Variants in RBM43 observed in about 807,000 individuals in gnomAD.
RBM43 encodes the protein RNA-binding protein 43.
RBM43 carries 12 observed loss-of-function variants against 12.4 expected under a neutral mutation model. That is an observed-to-expected ratio of 0.97 (90% CI 0.62 to 1.57). The LOEUF is 1.57. Among genes scored for constraint, RBM43 ranks in the 40% most tolerant of loss-of-function variants. The pLI is 0.00. For synonymous variants in RBM43, 138 were observed against 145.7 expected (o/e 0.95, Z 0.38); for missense variants, 348 against 400.1 (o/e 0.87, Z 1.11).
chr2:151,251,571 G>A lies in RBM43; in HGVS notation c.409C>T (p.Pro137Ser). 1 of 1,614,058 alleles carries A rather than the reference G, an allele frequency of 6.2e-7. No individual in the cohort carries two copies. The highest frequency in any genetic ancestry group is 1.1e-5 in the South Asian group (1 of 91,062). ...TTCAAAGGACTGAAGCTTAAACTCG[G>A]GATTTTTTTTTTCAGGTCTTTTACC... Reference protein sequence around the residue: ...TLVKDLKKKIPSLSFSPLKPN... With the variant: ...TLVKDLKKKISSLSFSPLKPN... The change falls in exon 4 of 4, where the codon CCG becomes TCG. Residue 137 changes from proline (P) to serine (S), a missense_variant. Physicochemically the swap from Pro to Ser is moderately conservative, Grantham distance 74. Transcript: ENST00000331426.
Position 151,251,442 on chromosome 2 carries a change from A to G in RBM43, c.538T>C (p.Phe180Leu). 1 of 1,614,126 alleles carries G rather than the reference A, an allele frequency of 6.2e-7. No homozygotes were observed. ...TTCCACTTTCTCTCCTCACTGGTAA[A>G]ATTTCTGTCTTTTTCTAAGAGAGAA... ...ACSLLEKDRN[F>L]TSEERKWNRQ... The change falls in exon 4 of 4, where the codon TTT (phenylalanine) becomes CTT (leucine). Residue 180 changes from phenylalanine (F) to leucine (L), a missense_variant. Transcript: ENST00000331426.
chr2:151,254,344 C>T (rs1573733590), intron 2 of RBM43, among the ~76,000 whole-genome samples: 1 of 151,964 alleles, frequency 6.6e-6, no homozygotes, highest in East Asian at 1.9e-4. Context: ...GCCAATTCAA[C>T]ATATAAAATA....
intron 1 of RBM43, chr2:151,260,896 G>C (rs541162486): frequency 3.7e-6 from 1 of 269,768 alleles, no homozygotes; most frequent in Admixed American, 4.9e-5. Context: ...AACAGACTTG[G>C]CCATCTTATC....
At chr2:151,255,403 G>A (rs1251512192) in intron 2 of RBM43, 130 bp downstream of exon 2, 2 of 603,896 alleles carry the variant, frequency 3.3e-6, no homozygotes, top group Non-Finnish European at 5.6e-6. Context: ...GGGCAACAGA[G>A]TGAGACTGTG....
rs2105186935 is a variant in RBM43 at position 151,248,527 on chromosome 2, C to A, written c.*2379G>T. The A allele has an allele frequency of 6.6e-6, 1 of 152,090 alleles. No individual in the cohort carries two copies. The highest frequency in any genetic ancestry group is 1.9e-4 in the East Asian group (1 of 5,174). The allele number at this position is 152,090 out of a possible 1,614,324, so 9.4% of individuals were successfully genotyped here. ...TTTGAGACAGTATTTTTTAACAAGG[C>A]AATATTTGTATCCTGAATGTGTTTT... On this transcript the variant is annotated 3_prime_UTR_variant, in exon 4 of 4. Transcript: ENST00000331426.
intron 1 of RBM43, chr2:151,261,036 C>A: frequency 2.0e-6 from 1 of 509,766 alleles, no homozygotes; most frequent in South Asian, 2.5e-5. Flanking sequence ...AATGACGACG[C>A]CTCTACCGCC....
chr2:151,261,193 G>T (rs1164198842), intron 1 of RBM43: 1 of 1,485,800 alleles, frequency 6.7e-7, no homozygotes, highest in Non-Finnish European at 9.0e-7. Context: ...GCTAAGACAA[G>T]AATTCGCACC....
At chr2:151,256,015 G>A (rs1369926319) in intron 1 of RBM43, among the ~76,000 whole-genome samples, 1 of 152,168 alleles carries the variant, frequency 6.6e-6, no homozygotes, top group Non-Finnish European at 1.5e-5. Flanking sequence ...AGGCTGGAGT[G>A]CAGTGGTATG....
At chr2:151,261,381 CT>C (rs768842701) in intron 1 of RBM43, 18 of 1,550,650 alleles carry the variant, frequency 1.2e-5, no homozygotes, top group Non-Finnish European at 1.2e-5. Flanking sequence ...GAAGCAGCTC[CT>C]CGACGAACGG....
chr2:151,256,195 C>A (rs1246455711), intron 1 of RBM43, among the ~76,000 whole-genome samples: 1 of 152,086 alleles, frequency 6.6e-6, no homozygotes, highest in Non-Finnish European at 1.5e-5. Flanking sequence ...CTCCTGACCT[C>A]AAGAGATCTG....
At position 151,261,286 on chromosome 2, in the gene RBM43, G is replaced by A. The variant is rs1211416706; in HGVS notation, c.3+439C>T. 17 of 1,550,456 alleles carry A rather than the reference G, an allele frequency of 1.1e-5. 1 individual carries two copies. Among genetic ancestry groups the A allele is most frequent in the Non-Finnish European group, 1.3e-5 (15 of 1,146,976 alleles). On this transcript the variant is annotated intron_variant, in intron 1 of 3. Transcript: ENST00000331426. ...TCTTATTAGCCCTTTTCAAAAGGCA[G>A]CTGTGACCTCCATTTCTGGCTAATC...
intron 1 of RBM43, among the ~76,000 whole-genome samples, chr2:151,257,635 GT>G (rs1209138557): frequency 6.6e-6 from 1 of 152,158 alleles, no homozygotes; most frequent in African/African-American, 2.4e-5. Context: ...GGAGGTTGGG[GT>G]GAGCCGAGAT....
At chr2:151,259,283 G>C (rs1037768543) in intron 1 of RBM43, among the ~76,000 whole-genome samples, 5 of 152,134 alleles carry the variant, frequency 3.3e-5, no homozygotes, top group South Asian at 4.1e-4. Context: ...CACACTATTG[G>C]GACCTGCTAT....
intron 1 of RBM43, chr2:151,261,145 G>A (rs145510617): frequency 0.013 from 17,429 of 1,295,040 alleles, 145 homozygotes; most frequent in Non-Finnish European, 0.015. Flanking sequence ...GCGATTGATG[G>A]AAACAAAACA....
At chr2:151,260,624 A>G (rs1047687604) in intron 1 of RBM43, among the ~76,000 whole-genome samples, 2 of 152,234 alleles carry the variant, frequency 1.3e-5, no homozygotes, top group African/African-American at 2.4e-5. Flanking sequence ...AGTTTCTATG[A>G]ATCATCTAAT....
At chr2:151,253,096 CA>C (rs1682926277) in intron 2 of RBM43, among the ~76,000 whole-genome samples, 1 of 152,048 alleles carries the variant, frequency 6.6e-6, no homozygotes, top group African/African-American at 2.4e-5. Context: ...GAATAAAAAA[CA>C]AAAATGTAAA....
chr2:151,256,837 C>A (rs151240040), intron 1 of RBM43, among the ~76,000 whole-genome samples: 73 of 152,112 alleles, frequency 4.8e-4, no homozygotes, highest in East Asian at 4.2e-3. Flanking sequence ...ATAAACAAAC[C>A]AACCAACCCC....
Position 151,251,502 on chromosome 2 carries a change from T to C in RBM43, c.478A>G (p.Lys160Glu). 6.2e-7 allele frequency: 1 copy of C among 1,614,210 alleles called. No homozygotes were observed. ...GCTAGCAAAGATTCTCTGAGCCTCTTGACAGCCAGAAATGATCCTTCCACG... is the reference window on the plus strand; with the variant it reads ...GCTAGCAAAGATTCTCTGAGCCTCTCGACAGCCAGAAATGATCCTTCCACG... Reference protein sequence around the residue: ...ISVEGSFLAVKRLRESLLARA... With the variant: ...ISVEGSFLAVERLRESLLARA... Residue 160 changes from lysine to glutamate, a missense_variant, in exon 4 of 4, where the codon AAG (lysine) becomes GAG (glutamate). Transcript: ENST00000331426.
chr2:151,254,841 A>G (rs982812896), intron 2 of RBM43, among the ~76,000 whole-genome samples: 8 of 152,238 alleles, frequency 5.3e-5, no homozygotes, highest in African/African-American at 9.6e-5. Context: ...TTATTCTAAA[A>G]TATATAATTG....
Sources: gnomAD v4.1 joint callset for allele counts (sites outside exome capture counted in the v4.1 genomes callset) on GRCh38, gnomAD v4.1.1 for gene constraint, MANE v1.5 for transcripts, NCBI Gene and HGNC (gene_info 2026-07-23, HGNC 2026-07-21) for gene names.